ROBO1: variants seen among roughly 807,000 people sequenced by gnomAD.
ROBO1 encodes roundabout guidance receptor 1.
ROBO1 carries 149 observed loss-of-function variants against 195.9 expected under a neutral mutation model. That is an observed-to-expected ratio of 0.76 (90% CI 0.67 to 0.87). ROBO1 has a LOEUF of 0.87. Among genes scored for constraint, ROBO1 ranks in the 40% least tolerant of loss-of-function variants. ROBO1 has a pLI of 0.00. For synonymous variants in ROBO1, 816 were observed against 733.2 expected (o/e 1.11, Z -1.82); for missense variants, 1,933 against 2,068.3 (o/e 0.93, Z 1.27).
At chr3:79,619,076 C>A (rs1360745263) in intron 1 of ROBO1, among the ~76,000 whole-genome samples, 1 of 152,088 alleles carries the variant, frequency 6.6e-6, no homozygotes, top group African/African-American at 2.4e-5. Context: ...CATCATTCAC[C>A]CACATTCCAC....
intron 2 of ROBO1, among the ~76,000 whole-genome samples, chr3:79,488,840 T>C (rs914630038): frequency 2.6e-5 from 4 of 152,172 alleles, no homozygotes; most frequent in Non-Finnish European, 4.4e-5. Flanking sequence ...CATGTATGTG[T>C]AAAGTGACAA....
intron 3 of ROBO1, among the ~76,000 whole-genome samples, chr3:79,090,209 A>C (rs2108486964): frequency 6.6e-6 from 1 of 152,234 alleles, no homozygotes; most frequent in East Asian, 1.9e-4. Context: ...AAGTGCTGGG[A>C]TTACAGGCAT....
chr3:79,730,763 A>G (rs75188702), intron 1 of ROBO1, among the ~76,000 whole-genome samples: 2 of 90,172 alleles, frequency 2.2e-5, no homozygotes, highest in Non-Finnish European at 4.6e-5. Flanking sequence ...TGTTTCCTGT[A>G]TTTCCTTTTT....
At position 79,143,743 on chromosome 3, in the gene ROBO1, A is replaced by G. The variant is rs547487338; in HGVS notation, c.89-18204T>C. On this transcript the variant is annotated intron_variant, in intron 2 of 30. Transcript: ENST00000464233. The stretch of plus-strand genomic sequence containing the variant: ...TCCAGTGGTAACATCTTGCAAAACT[A>G]TAGTACAGTATCGCAAACAGGATAT... 5.9e-4 allele frequency among the ~76,000 whole-genome samples: 90 copies of G among 152,168 alleles called. 2 individuals carry two copies. The highest frequency in any genetic ancestry group is 5.2e-3 in the Admixed American group (80 of 15,254).
intron 2 of ROBO1, among the ~76,000 whole-genome samples, chr3:79,182,108 C>T (rs1242067707): frequency 1.3e-5 from 2 of 151,884 alleles, no homozygotes; most frequent in South Asian, 4.1e-4. Context: ...TTTCCTTCTT[C>T]CATGTGGACT....
intron 15 of ROBO1, 108 bp from the exon 16 acceptor site, chr3:78,661,369 T>A (rs1021774588): frequency 1.7e-6 from 1 of 602,086 alleles, no homozygotes; most frequent in Non-Finnish European, 2.6e-6. Flanking sequence ...TCTGGCTTCA[T>A]CCCACATTCT....
intron 1 of ROBO1, among the ~76,000 whole-genome samples, chr3:79,746,531 C>A (rs1226200740): frequency 6.6e-6 from 1 of 151,942 alleles, no homozygotes; most frequent in Non-Finnish European, 1.5e-5. Flanking sequence ...TTTCAATGAC[C>A]AATTTATAAC....
intron 4 of ROBO1, among the ~76,000 whole-genome samples, chr3:78,852,757 T>G (rs759397548): frequency 3.9e-5 from 6 of 152,172 alleles, no homozygotes; most frequent in Non-Finnish European, 8.8e-5. Flanking sequence ...AAGGAAATGA[T>G]AACTTTGAAT....
At chr3:79,225,409 T>G (rs1431323837) in intron 2 of ROBO1, among the ~76,000 whole-genome samples, 1 of 152,174 alleles carries the variant, frequency 6.6e-6, no homozygotes, top group Non-Finnish European at 1.5e-5. Flanking sequence ...GCATAGAAAC[T>G]ATCCCTTAAA....
intron 1 of ROBO1, among the ~76,000 whole-genome samples, chr3:79,755,563 T>C (rs1163687375): frequency 6.6e-6 from 1 of 152,150 alleles, no homozygotes; most frequent in Non-Finnish European, 1.5e-5. Context: ...GTGTTATCTG[T>C]AGGATGCCAA....
chr3:79,018,265 C>T, intron 3 of ROBO1: 1 of 907,334 alleles, frequency 1.1e-6, no homozygotes, highest in Non-Finnish European at 1.7e-6. Context: ...GGAACATTTT[C>T]GCCTAAAAGT....
chr3:79,669,699 T>A (rs1242776627), intron 1 of ROBO1, among the ~76,000 whole-genome samples: 1 of 151,788 alleles, frequency 6.6e-6, no homozygotes, highest in Non-Finnish European at 1.5e-5. Flanking sequence ...TGCATCACTG[T>A]ATACATAAGA....
intron 14 of ROBO1, among the ~76,000 whole-genome samples, chr3:78,665,522 T>C (rs1247331096): frequency 1.3e-5 from 2 of 152,232 alleles, no homozygotes; most frequent in African/African-American, 4.8e-5. Flanking sequence ...TATTTAATTC[T>C]GATTCTCTTA....
chr3:79,206,112 T>A (rs1325269773), intron 2 of ROBO1, among the ~76,000 whole-genome samples: 1 of 152,216 alleles, frequency 6.6e-6, no homozygotes, highest in South Asian at 2.1e-4. Context: ...CATGATGAGA[T>A]CTCATGCTGT....
chr3:78,995,275 G>A (rs1263235270), intron 3 of ROBO1, among the ~76,000 whole-genome samples: 1 of 152,106 alleles, frequency 6.6e-6, no homozygotes, highest in Non-Finnish European at 1.5e-5. Flanking sequence ...CTGCCTTCAG[G>A]AATGCTACAT....
chr3:79,165,142 G>A (rs916793741), intron 2 of ROBO1, among the ~76,000 whole-genome samples: 4 of 152,102 alleles, frequency 2.6e-5, no homozygotes, highest in African/African-American at 7.2e-5. Flanking sequence ...TGCATCCTGA[G>A]AGCCTAGAAT....
intron 2 of ROBO1, among the ~76,000 whole-genome samples, chr3:79,156,459 A>C (rs2108651169): frequency 6.6e-6 from 1 of 151,978 alleles, no homozygotes; most frequent in Middle Eastern, 3.4e-3. Context: ...ATAAATGATT[A>C]TTGATTAAAA....
chr3:79,305,629 C>T (rs1198504617), intron 2 of ROBO1, among the ~76,000 whole-genome samples: 2 of 151,734 alleles, frequency 1.3e-5, no homozygotes, highest in Non-Finnish European at 2.9e-5. Context: ...TCAAGGCTTC[C>T]AATGCATTTC....
At chr3:79,642,282 G>T (rs1945688708) in intron 1 of ROBO1, among the ~76,000 whole-genome samples, 1 of 152,070 alleles carries the variant, frequency 6.6e-6, no homozygotes, top group Non-Finnish European at 1.5e-5. Flanking sequence ...TAAAGAAAAT[G>T]TCTTCAAATG....
Sources: gnomAD v4.1 joint callset for allele counts (sites outside exome capture counted in the v4.1 genomes callset) on GRCh38, gnomAD v4.1.1 for gene constraint, MANE v1.5 for transcripts, NCBI Gene and HGNC (gene_info 2026-07-23, HGNC 2026-07-21) for gene names.